The following SESTD1 variants were observed in gnomAD, a reference collection of about 807,000 sequenced individuals.
The protein encoded by SESTD1 is SEC14 domain and spectrin repeat-containing protein 1.
SESTD1 carries 43 observed loss-of-function variants against 101.7 expected under a neutral mutation model. The observed-to-expected ratio is 0.42, with a 90% CI of 0.33 to 0.55. The LOEUF (loss-of-function observed/expected upper bound fraction) is 0.55, where lower values mean the gene tolerates loss of function less well. Ranked by LOEUF, SESTD1 falls within the 20% of genes least tolerant of loss-of-function variation. The pLI is 0.07. For synonymous variants in SESTD1, 283 were observed against 286.8 expected (o/e 0.99, Z 0.13); for missense variants, 647 against 815.1 (o/e 0.79, Z 2.51).
At chr2:179,248,632 A>C (rs562618877) in intron 1 of SESTD1, among the ~76,000 whole-genome samples, 2 of 147,526 alleles carry the variant, frequency 1.4e-5, no homozygotes, top group Admixed American at 6.8e-5. Context: ...GAACTCTTGC[A>C]AAAAAAAAAG....
chr2:179,154,092 A>G (rs1160538043), intron 5 of SESTD1, among the ~76,000 whole-genome samples: 3 of 151,672 alleles, frequency 2.0e-5, no homozygotes, highest in Admixed American at 2.0e-4. Context: ...AAAAAAAAAA[A>G]AAAAAAGGTG....
At chr2:179,116,584 T>G in intron 15 of SESTD1, 84 bp downstream of exon 15, 1 of 1,592,628 alleles carries the variant, frequency 6.3e-7, no homozygotes, top group Non-Finnish European at 8.6e-7. Context: ...CTTCTTGTAC[T>G]TGGAAGGTAA....
chr2:179,175,874 C>T (rs937150868), intron 4 of SESTD1, among the ~76,000 whole-genome samples: 1 of 152,124 alleles, frequency 6.6e-6, no homozygotes, highest in African/African-American at 2.4e-5. Context: ...AGTTTGTAAT[C>T]GTAGATGTTT....
chr2:179,178,398 G>A lies in SESTD1; in HGVS notation c.165-1860C>T, dbSNP rs115416768. ...CTAATCCCAGCACTTTGGGAGACTA[G>A]AGCAAGAGGATGGCTTGAGCCAAGG... On this transcript the variant is annotated intron_variant, in intron 3 of 17. Coordinates refer to ENST00000428443, the MANE Select transcript of SESTD1 (RefSeq NM_178123.5). Among the ~76,000 whole-genome samples, 568 of 152,274 alleles carry A rather than the reference G, an allele frequency of 3.7e-3. 6 individuals carry two copies. Among genetic ancestry groups the A allele is most frequent in the African/African-American group, 0.013 (536 of 41,544 alleles).
intron 13 of SESTD1, among the ~76,000 whole-genome samples, chr2:179,118,174 T>C (rs1377570785): frequency 3.3e-5 from 5 of 152,194 alleles, no homozygotes; most frequent in Admixed American, 3.3e-4. Context: ...CATTATATTA[T>C]AGTACCTAAA....
At chr2:179,187,869 C>T (rs1339906914) in intron 2 of SESTD1, among the ~76,000 whole-genome samples, 1 of 152,088 alleles carries the variant, frequency 6.6e-6, no homozygotes, top group Non-Finnish European at 1.5e-5. Flanking sequence ...TTCAATTCAA[C>T]ATGAATACTT....
chr2:179,227,283 C>T (rs2046901694), intron 1 of SESTD1, among the ~76,000 whole-genome samples: 1 of 152,028 alleles, frequency 6.6e-6, no homozygotes, highest in Non-Finnish European at 1.5e-5. Context: ...TCACTATTAC[C>T]CCCCACCTCA....
chr2:179,153,856 T>C lies in SESTD1; in HGVS notation c.370-2465A>G, dbSNP rs543140180. ...ACATCAATAAGAATAATAAATGCCATGAATCGAAACATTAAATACGCTTAA... is the reference window on the plus strand; with the variant it reads ...ACATCAATAAGAATAATAAATGCCACGAATCGAAACATTAAATACGCTTAA... On this transcript the variant is annotated intron_variant, in intron 5 of 17. Transcript: ENST00000428443. 9.9e-5 allele frequency among the ~76,000 whole-genome samples: 15 copies of C among 152,122 alleles called. No homozygotes were observed. The South Asian group carries it at 2.9e-3, about 29-fold the overall frequency.
intron 1 of SESTD1, among the ~76,000 whole-genome samples, chr2:179,192,395 G>A (rs958637795): frequency 3.9e-5 from 6 of 152,014 alleles, no homozygotes; most frequent in African/African-American, 9.7e-5. Context: ...TATAACACAT[G>A]GTACCACATC....
intron 1 of SESTD1, among the ~76,000 whole-genome samples, chr2:179,245,163 T>C (rs542070351): frequency 6.6e-6 from 1 of 152,286 alleles, no homozygotes; most frequent in East Asian, 1.9e-4. Context: ...GAGACCAGCC[T>C]GGGCAACACA....
intron 1 of SESTD1, among the ~76,000 whole-genome samples, chr2:179,261,996 A>T (rs2047489879): frequency 6.6e-6 from 1 of 152,208 alleles, no homozygotes; most frequent in Non-Finnish European, 1.5e-5. Context: ...GATTGGATAA[A>T]CAAAATGTGG....
chr2:179,262,906 T>C (rs1036412457), intron 1 of SESTD1, among the ~76,000 whole-genome samples: 1 of 152,230 alleles, frequency 6.6e-6, no homozygotes, highest in Non-Finnish European at 1.5e-5. Context: ...ACATTCTGCA[T>C]TCTGTTGTCA....
At chr2:179,147,347 A>G (rs2045417111) in intron 7 of SESTD1, among the ~76,000 whole-genome samples, 1 of 151,402 alleles carries the variant, frequency 6.6e-6, no homozygotes, top group South Asian at 2.1e-4. Context: ...ACACTGAACA[A>G]GATATGTTTG....
At chr2:179,228,247 G>T (rs1258828506) in intron 1 of SESTD1, among the ~76,000 whole-genome samples, 4 of 152,166 alleles carry the variant, frequency 2.6e-5, no homozygotes, top group Non-Finnish European at 5.9e-5. Context: ...ACGCATGTGT[G>T]TATGTGTGTG....
chr2:179,126,994 G>A (rs959806322), intron 10 of SESTD1, among the ~76,000 whole-genome samples: 7 of 152,058 alleles, frequency 4.6e-5, no homozygotes, highest in East Asian at 1.9e-4. Context: ...CACAATAGCC[G>A]GTGATTTGCT....
intron 15 of SESTD1, among the ~76,000 whole-genome samples, chr2:179,116,338 T>G (rs1293019145): frequency 6.6e-6 from 1 of 152,058 alleles, no homozygotes; most frequent in East Asian, 1.9e-4. Context: ...AACACTAGTG[T>G]GATGCAGAAA....
chr2:179,174,789 A>C (rs539903599), intron 4 of SESTD1, among the ~76,000 whole-genome samples: 2 of 152,172 alleles, frequency 1.3e-5, no homozygotes, highest in East Asian at 3.9e-4. Context: ...AGTCTCTACA[A>C]AATAAAAAAA....
chr2:179,174,548 C>T, intron 4 of SESTD1: 1 of 412,666 alleles, frequency 2.4e-6, no homozygotes. Context: ...TAACAACTTT[C>T]ACAGAGAAGA....
At chr2:179,228,459 A>G (rs2046923891) in intron 1 of SESTD1, among the ~76,000 whole-genome samples, 1 of 152,182 alleles carries the variant, frequency 6.6e-6, no homozygotes, top group Non-Finnish European at 1.5e-5. Context: ...ACTTTGCCTT[A>G]AGATACAAGC....
Sources: gnomAD v4.1 joint callset for allele counts (sites outside exome capture counted in the v4.1 genomes callset) on GRCh38, gnomAD v4.1.1 for gene constraint, MANE v1.5 for transcripts, NCBI Gene and HGNC (gene_info 2026-07-23, HGNC 2026-07-21) for gene names.